Variants in USP53 observed in about 807,000 individuals in gnomAD.
The protein encoded by USP53 is ubiquitin specific peptidase 53.
USP53 carries 71 observed loss-of-function variants against 94.9 expected under a neutral mutation model. The ratio of observed to expected loss-of-function variants is 0.75; its 90% CI spans 0.62 to 0.91. USP53 has a LOEUF of 0.91. Ranked by LOEUF, USP53 falls within the 40% of genes least tolerant of loss-of-function variation. The pLI, the probability that USP53 is intolerant of heterozygous loss-of-function variation, is 0.00. For missense variants in USP53, 1,173 were observed against 1,281.0 expected (o/e 0.92, Z 1.29); for synonymous variants, 375 against 422.7 (o/e 0.89, Z 1.39).
At chr4:119,244,175 A>T (rs1034521369) in intron 5 of USP53, among the ~76,000 whole-genome samples, 5 of 152,200 alleles carry the variant, frequency 3.3e-5, no homozygotes, top group Non-Finnish European at 7.3e-5. Context: ...TGTATTTTTT[A>T]AAATATGCTA....
chr4:119,280,942 C>T (rs1753444502), intron 17 of USP53, among the ~76,000 whole-genome samples: 1 of 152,088 alleles, frequency 6.6e-6, no homozygotes, highest in Non-Finnish European at 1.5e-5. Flanking sequence ...TCTAACCAGG[C>T]CTGATTTCAG....
Position 119,260,950 on chromosome 4 carries a change from CTTTTTTTTTTT to C in USP53, c.822+314_822+324del, listed in dbSNP as rs572630415. On this transcript the variant is annotated intron_variant, in intron 11 of 18. Transcript: ENST00000692078. ...ATTCATCTAAAGCACTGATCTCTCT[CTTTTTTTTTTT>C]TTTTTTTTTTTTTTTTGCGGCAGAG... is the stretch of plus-strand genomic sequence containing the variant. Among the ~76,000 whole-genome samples, 21 of 91,784 alleles carry C rather than the reference CTTTTTTTTTTT, an allele frequency of 2.3e-4. No individual in the cohort carries two copies. In the South Asian group the frequency reaches 4.1e-3, roughly 18 times the overall value. 60.2% of individuals were successfully genotyped at this position (91,784 alleles called of 152,430 possible).
chr4:119,254,813 G>T (rs1749536378), intron 7 of USP53, among the ~76,000 whole-genome samples: 1 of 152,176 alleles, frequency 6.6e-6, no homozygotes, highest in African/African-American at 2.4e-5. Context: ...TCTGGTTTTT[G>T]TAATTTTCAG....
intron 7 of USP53, among the ~76,000 whole-genome samples, chr4:119,255,319 C>T (rs945756204): frequency 2.6e-5 from 4 of 152,198 alleles, no homozygotes; most frequent in African/African-American, 7.2e-5. Flanking sequence ...TGTTCAGATA[C>T]GCCCTGCCCC....
intron 17 of USP53, among the ~76,000 whole-genome samples, chr4:119,279,201 T>C (rs1485159353): frequency 6.7e-5 from 9 of 133,946 alleles, no homozygotes; most frequent in African/African-American, 1.4e-4. Context: ...TTCCAGTTTT[T>C]CTGTTCTGTT....
At chr4:119,280,226 GTT>G (rs74427985) in intron 17 of USP53, among the ~76,000 whole-genome samples, 1 of 142,442 alleles carries the variant, frequency 7.0e-6, no homozygotes, top group Non-Finnish European at 1.5e-5. Flanking sequence ...GTCTTTCAAT[GTT>G]TTTTTTTTTT....
In USP53 at chr4:119,248,776, G is replaced by A. The variant is rs529451446; in HGVS notation, c.266G>A (p.Arg89Gln). ...KTIFAQFQHS[R>Q]EKALPSDNIR... The stretch of plus-strand genomic sequence containing the variant: ...ATATTTGCACAGTTCCAACACAGTC[G>A]AGAAAAAGCACTTCCCTCAGATAAC... Residue 89 changes from arginine to glutamine, a missense_variant, in exon 7 of 19, where the codon CGA becomes CAA. Coordinates refer to ENST00000692078, the MANE Select transcript of USP53 (RefSeq NM_001371395.1). The A allele has an allele frequency of 1.7e-5, 28 of 1,613,882 alleles. No homozygotes were observed. The highest frequency in any genetic ancestry group is 1.1e-4 in the African/African-American group (8 of 75,006).
chr4:119,247,914 G>T lies in USP53; in HGVS notation c.238-834G>T, dbSNP rs369287360. The stretch of plus-strand genomic sequence containing the variant: ...TTATTTCTTATTTTATTTATAAATT[G>T]TATTTTTTTGCTGTAGTGAAACAGA... On this transcript the variant is annotated intron_variant, in intron 6 of 18. Transcript: ENST00000692078. Among the ~76,000 whole-genome samples, 7 of 151,758 alleles carry T rather than the reference G, an allele frequency of 4.6e-5. No homozygotes were observed. In the East Asian group the frequency reaches 1.4e-3, roughly 29 times the overall value.
chr4:119,269,027 C>T (rs533165430), intron 14 of USP53, among the ~76,000 whole-genome samples: 1 of 152,078 alleles, frequency 6.6e-6, no homozygotes, highest in African/African-American at 2.4e-5. Flanking sequence ...AATGTGTAAT[C>T]ATAAAAGTAA....
chr4:119,272,241 T>A (rs1751964161), intron 16 of USP53: 1 of 433,982 alleles, frequency 2.3e-6, no homozygotes, highest in Admixed American at 4.1e-5. Flanking sequence ...TATTTTAGAT[T>A]TCCATTTTGA....
chr4:119,236,181 A>G (rs1229531300), intron 4 of USP53, among the ~76,000 whole-genome samples: 1 of 152,272 alleles, frequency 6.6e-6, no homozygotes, highest in Non-Finnish European at 1.5e-5. Flanking sequence ...TTCCCAGTGC[A>G]TATAAAAGTT....
chr4:119,259,677 G>A, intron 9 of USP53, 143 bp from the exon 10 acceptor site: 1 of 551,098 alleles, frequency 1.8e-6, no homozygotes. Flanking sequence ...TTATGGAAAT[G>A]TACTTTATGG....
chr4:119,230,574 C>A (rs182787820), intron 3 of USP53, among the ~76,000 whole-genome samples: 2 of 152,266 alleles, frequency 1.3e-5, no homozygotes, highest in Admixed American at 1.3e-4. Context: ...TCTTGTCTTA[C>A]CTGTGTTGAG....
intron 17 of USP53, among the ~76,000 whole-genome samples, chr4:119,287,799 A>G (rs1391942904): frequency 1.3e-5 from 2 of 152,102 alleles, no homozygotes; most frequent in Admixed American, 1.3e-4. Flanking sequence ...TCAGAAGGAG[A>G]TTTAGTATAA....
At position 119,294,836 on chromosome 4, in the gene USP53, G is replaced by A. The variant is rs1306383447; in HGVS notation, c.*1625G>A. On this transcript the variant is annotated 3_prime_UTR_variant, in exon 19 of 19. Coordinates refer to ENST00000692078, the MANE Select transcript of USP53 (RefSeq NM_001371395.1). Reference sequence around the variant, plus strand: ...TGAGTGATCATTACTTTATATTCTCGTAAGTTAGAAATACTTGAATGCCAA... The same window carrying A: ...TGAGTGATCATTACTTTATATTCTCATAAGTTAGAAATACTTGAATGCCAA... 3 of 151,966 alleles carry A rather than the reference G, an allele frequency of 2.0e-5. No homozygotes were observed. The highest frequency in any genetic ancestry group is 2.9e-5 in the Non-Finnish European group (2 of 67,946). The allele number at this position is 151,966 out of a possible 1,614,324, so 9.4% of individuals were successfully genotyped here. A position where few individuals can be genotyped will look rare whatever the true frequency, so the allele number is the denominator to read the frequency against.
intron 17 of USP53, among the ~76,000 whole-genome samples, chr4:119,276,988 CTT>C (rs1372013599): frequency 1.7e-5 from 1 of 57,400 alleles, no homozygotes; most frequent in Admixed American, 2.4e-4. Context: ...ATTCTTCTCT[CTT>C]TTTTTCTTTA....
In USP53 at chr4:119,267,493, C is replaced by G. The variant is rs1264723980; in HGVS notation, c.1135+11C>G. 2 of 1,600,272 alleles carry G rather than the reference C, an allele frequency of 1.2e-6. No homozygotes were observed. Among genetic ancestry groups the G allele is most frequent in the Admixed American group, 1.8e-5 (1 of 56,708 alleles). On this transcript the variant is annotated intron_variant, in intron 13 of 18. Coordinates refer to ENST00000692078, the MANE Select transcript of USP53 (RefSeq NM_001371395.1). ...TTGCAGAAAATATGGGTAATTCTTT[C>G]TTTTAAAAATTCTCAATGTTTTTCT... is the stretch of plus-strand genomic sequence containing the variant.
chr4:119,255,229 G>A (rs749175574), intron 7 of USP53, among the ~76,000 whole-genome samples: 59 of 152,196 alleles, frequency 3.9e-4, no homozygotes, highest in Non-Finnish European at 7.5e-4. Context: ...GAGCTCAAAC[G>A]CCATGCTAGG....
intron 3 of USP53, chr4:119,219,874 T>G (rs1321965176): frequency 6.6e-6 from 1 of 152,202 alleles, no homozygotes; most frequent in Non-Finnish European, 1.5e-5. Flanking sequence ...AAGCACTGAC[T>G]CATAAGAAAA....
Sources: allele counts gnomAD v4.1 joint callset (sites outside exome capture counted in the v4.1 genomes callset), GRCh38; gene constraint gnomAD v4.1.1; transcripts MANE v1.5; gene names NCBI Gene and HGNC (gene_info 2026-07-23, HGNC 2026-07-21).